Variants in VRK3 observed in about 807,000 individuals in gnomAD.
VRK3 encodes the protein VRK serine/threonine kinase 3.
Under a neutral mutation model 60.4 loss-of-function variants are expected in VRK3, and 50 were observed. The observed-to-expected ratio is 0.83, with a 90% CI of 0.66 to 1.05. The LOEUF is 1.05. Among genes scored for constraint, VRK3 ranks in the 50% least tolerant of loss-of-function variants. The probability of loss-of-function intolerance (pLI) is 0.00; values close to 1 mark genes in which losing one functional copy is unlikely to be tolerated. For missense variants in VRK3, 549 were observed against 585.3 expected (o/e 0.94, Z 0.64); for synonymous variants, 246 against 227.8 (o/e 1.08, Z -0.72).
chr19:50,001,130 CCCAGAA>C, intron 5 of VRK3: 1 of 377,290 alleles, frequency 2.7e-6, no homozygotes, highest in East Asian at 5.2e-5. Context: ...CGGGAGGGCT[CCCAGAA>C]TCCCCTAAGT....
At chr19:49,983,683 T>C (rs2076462709) in intron 12 of VRK3, among the ~76,000 whole-genome samples, 1 of 152,248 alleles carries the variant, frequency 6.6e-6, no homozygotes, top group African/African-American at 2.4e-5. Flanking sequence ...TTACTCATTT[T>C]GTCTGTCGTG....
At chr19:49,993,784 C>T (rs2076653494) in intron 9 of VRK3, among the ~76,000 whole-genome samples, 1 of 152,118 alleles carries the variant, frequency 6.6e-6, no homozygotes, top group Non-Finnish European at 1.5e-5. Context: ...GCTCTACTGT[C>T]CACCAAATTC....
At chr19:50,007,376 G>C (rs965451076) in intron 5 of VRK3, among the ~76,000 whole-genome samples, 193 bp downstream of exon 5, 1 of 152,168 alleles carries the variant, frequency 6.6e-6, no homozygotes, top group African/African-American at 2.4e-5. Flanking sequence ...ACTCCAGCCT[G>C]CTGCACTCAT....
intron 6 of VRK3, 156 bp downstream of exon 6, chr19:50,000,633 TG>T (rs2076787475): frequency 2.5e-6 from 2 of 799,150 alleles, no homozygotes; most frequent in Non-Finnish European, 4.1e-6. Context: ...GATGGAGAAC[TG>T]GGCGCCTGCC....
chr19:49,981,924 T>C, intron 12 of VRK3: 1 of 774,234 alleles, frequency 1.3e-6, no homozygotes. Context: ...CTTCAGGAGG[T>C]CATGCTGTGC....
Position 50,009,325 on chromosome 19 carries a change from C to A in VRK3, c.200G>T (p.Ser67Ile). 2 of 1,614,110 alleles carry A rather than the reference C, an allele frequency of 1.2e-6. No individual in the cohort carries two copies. Among genetic ancestry groups the A allele is most frequent in the South Asian group, 2.2e-5 (2 of 91,068 alleles). The change falls in exon 4 of 15, where the codon AGC (serine) becomes ATC (isoleucine). Residue 67 changes from serine to isoleucine, a missense_variant. By Grantham distance (142) the Ser-to-Ile change is moderately radical. Transcript: ENST00000316763. ...GGATAATCGGGGAGAGGTGACGGTG[C>A]TGGACCATTTCACTTTCTTAGGAGA... ...ETSPKKVKWS[S>I]TVTSPRLSLF...
chr19:49,980,762 TTTTTG>T (rs569062365), intron 13 of VRK3, among the ~76,000 whole-genome samples, 188 bp downstream of exon 13: 33 of 150,412 alleles, frequency 2.2e-4, no homozygotes, highest in African/African-American at 8.3e-4. Flanking sequence ...AAAAGTTGTG[TTTTTG>T]TTTTGTTTTT....
At chr19:49,997,304 C>T (rs918770427) in intron 7 of VRK3, 200 bp downstream of exon 7, 1 of 518,292 alleles carries the variant, frequency 1.9e-6, no homozygotes, top group Non-Finnish European at 3.4e-6. Flanking sequence ...TACTTGGCTT[C>T]CAAGAGCTGG....
chr19:50,012,993 C>T (rs941352904), intron 3 of VRK3, among the ~76,000 whole-genome samples: 138 of 152,220 alleles, frequency 9.1e-4, no homozygotes, highest in African/African-American at 3.1e-3. Context: ...CGGTGAAACC[C>T]CGCCTCTACT....
chr19:50,023,735 T>TG (rs1260921315), intron 1 of VRK3, among the ~76,000 whole-genome samples: 1,555 of 144,812 alleles, frequency 0.011, 32 homozygotes, highest in East Asian at 0.098. Context: ...GCCAAGAAGG[T>TG]GGGTGGGGGG....
At chr19:50,001,175 T>C (rs2076799777) in intron 5 of VRK3, 1 of 257,648 alleles carries the variant, frequency 3.9e-6, no homozygotes, top group South Asian at 6.8e-5. Context: ...CTAAACTGCT[T>C]GTGCAATCAC....
At chr19:50,014,901 G>C (rs1568814225) in intron 3 of VRK3, among the ~76,000 whole-genome samples, 1 of 152,162 alleles carries the variant, frequency 6.6e-6, no homozygotes, top group Non-Finnish European at 1.5e-5. Context: ...GGGGAGCAGA[G>C]GGCAAGAAGG....
At position 49,988,391 on chromosome 19, in the gene VRK3, T is replaced by C. The variant is rs751938289; in HGVS notation, c.1198A>G (p.Ile400Val). ...ACTCACTTCTGTTTTTGCTTCATGA[T>C]GTCCTCAGTGTTGGGAAGGCAATTT... is the stretch of plus-strand genomic sequence containing the variant. ...WTNCLPNTED[I>V]MKQKQKFVDK... is the part of the protein sequence containing the mutation. Residue 400 changes from isoleucine to valine, a missense_variant, in exon 12 of 15, where the codon ATC becomes GTC. Ile to Val is a conservative substitution (Grantham distance 29). Coordinates refer to ENST00000316763, the MANE Select transcript of VRK3 (RefSeq NM_016440.4). 1.9e-5 allele frequency: 31 copies of C among 1,612,692 alleles called. No homozygotes were observed. Among genetic ancestry groups the C allele is most frequent in the Admixed American group, 8.3e-5 (5 of 59,946 alleles).
At chr19:50,011,402 A>C (rs2076991708) in intron 3 of VRK3, among the ~76,000 whole-genome samples, 1 of 152,178 alleles carries the variant, frequency 6.6e-6, no homozygotes, top group South Asian at 2.1e-4. Context: ...CTTTCTTTTT[A>C]GTTGACACTG....
chr19:49,979,699 C>G (rs1019581269), intron 13 of VRK3, among the ~76,000 whole-genome samples: 1 of 152,178 alleles, frequency 6.6e-6, no homozygotes, highest in African/African-American at 2.4e-5. Context: ...AGAGGTAGAA[C>G]TGGAGGGGAG....
intron 6 of VRK3, 99 bp downstream of exon 6, chr19:50,000,691 G>T: frequency 2.1e-6 from 3 of 1,426,630 alleles, no homozygotes; most frequent in Non-Finnish European, 2.9e-6. Flanking sequence ...CCTGGCCCCC[G>T]GCCGAGCTCT....
At chr19:50,021,253 T>C (rs535353183) in intron 1 of VRK3, among the ~76,000 whole-genome samples, 138 of 152,328 alleles carry the variant, frequency 9.1e-4, no homozygotes, top group Admixed American at 2.3e-3. Flanking sequence ...CTGTGTGCTC[T>C]TTGGAACCTT....
chr19:50,012,096 C>T (rs952631600), intron 3 of VRK3, among the ~76,000 whole-genome samples: 4 of 152,070 alleles, frequency 2.6e-5, no homozygotes, highest in African/African-American at 7.2e-5. Context: ...CTCAGCCTCC[C>T]GAGTAGCTGG....
At chr19:50,013,567 C>A (rs2122548632) in intron 3 of VRK3, among the ~76,000 whole-genome samples, 1 of 152,344 alleles carries the variant, frequency 6.6e-6, no homozygotes, top group South Asian at 2.1e-4. Flanking sequence ...CTGCCTTCTG[C>A]ACAACTGTCC....
Sources: gnomAD v4.1 joint callset for allele counts (sites outside exome capture counted in the v4.1 genomes callset) on GRCh38, gnomAD v4.1.1 for gene constraint, MANE v1.5 for transcripts, NCBI Gene and HGNC (gene_info 2026-07-23, HGNC 2026-07-21) for gene names.